The following FAF1 variants were observed in gnomAD, a reference collection of about 807,000 sequenced individuals.
FAF1 encodes FAS-associated factor 1.
A neutral mutation model predicts 92.5 loss-of-function variants in FAF1; 25 were observed. The observed-to-expected ratio is 0.27, with a 90% CI of 0.20 to 0.38. FAF1 has a LOEUF of 0.38. Ranked by LOEUF, FAF1 falls within the 10% of genes least tolerant of loss-of-function variation. The pLI is 1.00. For missense variants in FAF1, 636 were observed against 793.3 expected (o/e 0.80, Z 2.38); for synonymous variants, 234 against 273.2 (o/e 0.86, Z 1.42).
intron 7 of FAF1, among the ~76,000 whole-genome samples, chr1:50,687,619 C>T (rs963250961): frequency 6.6e-6 from 1 of 151,840 alleles, no homozygotes; most frequent in Non-Finnish European, 1.5e-5. Flanking sequence ...GCATGGGGCG[C>T]GTGCCTGTAA....
intron 4 of FAF1, among the ~76,000 whole-genome samples, chr1:50,770,739 T>G (rs1321612799): frequency 6.6e-6 from 1 of 152,148 alleles, no homozygotes; most frequent in Non-Finnish European, 1.5e-5. Context: ...CTTCACACAA[T>G]TAGAAAAGAC....
rs55986089 is a variant in FAF1 at position 50,955,550 on chromosome 1, G to C, written c.45+4217C>G. On this transcript the variant is annotated intron_variant, in intron 1 of 18. Coordinates refer to ENST00000396153, the MANE Select transcript of FAF1 (RefSeq NM_007051.3). ...ATTCTCTCCATTCAAAATTTTGGTG[G>C]TGCAGCCACTATAGAAAACAATATG... is the stretch of plus-strand genomic sequence containing the variant. Among the ~76,000 whole-genome samples, 1,184 of 152,180 alleles carry C rather than the reference G, an allele frequency of 7.8e-3. 13 individuals are homozygous for C. The highest frequency in any genetic ancestry group is 0.028 in the African/African-American group (1,144 of 41,514).
At chr1:50,888,955 G>C (rs1463080299) in intron 1 of FAF1, among the ~76,000 whole-genome samples, 1 of 150,810 alleles carries the variant, frequency 6.6e-6, no homozygotes, top group Non-Finnish European at 1.5e-5. Flanking sequence ...GCTCCTCCTT[G>C]TACCTCTGGT....
At chr1:50,823,716 A>ATATC (rs1184035167) in intron 2 of FAF1, among the ~76,000 whole-genome samples, 5 of 152,174 alleles carry the variant, frequency 3.3e-5, no homozygotes, top group Admixed American at 1.3e-4. Context: ...ACTTCAAGGA[A>ATATC]TATCGGTTTG....
chr1:50,544,210 AT>A (rs1261921291), intron 13 of FAF1, among the ~76,000 whole-genome samples: 1 of 152,222 alleles, frequency 6.6e-6, no homozygotes, highest in Non-Finnish European at 1.5e-5. Context: ...AAACCATAGC[AT>A]AATCCTAAAT....
chr1:50,484,193 G>A (rs1173484807), intron 17 of FAF1, among the ~76,000 whole-genome samples: 1 of 152,110 alleles, frequency 6.6e-6, no homozygotes, highest in African/African-American at 2.4e-5. Context: ...CTCTATTCCT[G>A]GCAACCTGGA....
intron 16 of FAF1, 136 bp from the exon 17 acceptor site, chr1:50,490,801 CAG>C: frequency 1.5e-6 from 1 of 675,388 alleles, no homozygotes; most frequent in Non-Finnish European, 2.6e-6. Flanking sequence ...CAACATGACT[CAG>C]AGGTATATTG....
At chr1:50,875,694 A>AC (rs538016694) in intron 1 of FAF1, among the ~76,000 whole-genome samples, 23 of 151,762 alleles carry the variant, frequency 1.5e-4, no homozygotes, top group African/African-American at 4.4e-4. Context: ...CTTGTGATCC[A>AC]CCCCCCTCGG....
rs1651805462 is a variant in FAF1 at position 50,596,173 on chromosome 1, A to G, written c.788T>C (p.Leu263Pro). 1 of 1,614,036 alleles carries G rather than the reference A, an allele frequency of 6.2e-7. No individual in the cohort carries two copies. The highest frequency in any genetic ancestry group is 1.1e-5 in the South Asian group (1 of 91,072). The change falls in exon 9 of 19, where the codon CTT becomes CCT. Residue 263 changes from leucine (L) to proline (P), a missense_variant. Leu to Pro is a moderately conservative substitution (Grantham distance 98). Coordinates refer to ENST00000396153, the MANE Select transcript of FAF1 (RefSeq NM_007051.3). Reference sequence around the variant, plus strand: ...AGGTGAAGATCTTCTTCCCACTGTAAGTCGATGGCAGGGATAAGAGAGCCC... The same window carrying G: ...AGGTGAAGATCTTCTTCCCACTGTAGGTCGATGGCAGGGATAAGAGAGCCC... ...ESGLSYPCHR[L>P]TVGRRSSPAQ...
chr1:50,806,870 A>C (rs1443042929), intron 2 of FAF1, among the ~76,000 whole-genome samples: 1 of 152,118 alleles, frequency 6.6e-6, no homozygotes, highest in African/African-American at 2.4e-5. Flanking sequence ...AAAGCAAAAA[A>C]ACAAACAAAC....
intron 2 of FAF1, among the ~76,000 whole-genome samples, chr1:50,805,524 T>C (rs966723341): frequency 1.3e-5 from 2 of 152,138 alleles, no homozygotes; most frequent in African/African-American, 2.4e-5. Flanking sequence ...TTTAGACCTT[T>C]TGGGGGAAGG....
rs17106306 is a variant in FAF1 at position 50,588,674 on chromosome 1, T to C, written c.841-3863A>G. 6.4e-3 allele frequency among the ~76,000 whole-genome samples: 975 copies of C among 152,254 alleles called. 18 individuals carry two copies. The highest frequency in any genetic ancestry group is 0.022 in the African/African-American group (928 of 41,532). ...CCTAGACAGTTAAGAGTCTGTGACATTGGCACCTGTGTGATCCTTGACGGC... is the reference window on the plus strand; with the variant it reads ...CCTAGACAGTTAAGAGTCTGTGACACTGGCACCTGTGTGATCCTTGACGGC... On this transcript the variant is annotated intron_variant, in intron 9 of 18. Transcript: ENST00000396153.
intron 4 of FAF1, among the ~76,000 whole-genome samples, chr1:50,783,407 GA>G (rs1661253174): frequency 1.3e-5 from 2 of 152,116 alleles, no homozygotes; most frequent in Admixed American, 1.3e-4. Flanking sequence ...CAGACGAAAA[GA>G]AAACTACAGT....
intron 1 of FAF1, among the ~76,000 whole-genome samples, chr1:50,884,537 A>AC (rs1468107034): frequency 6.6e-6 from 1 of 151,802 alleles, no homozygotes; most frequent in Non-Finnish European, 1.5e-5. Context: ...AAAAAAAAAA[A>AC]AATTTTTTTT....
intron 8 of FAF1, among the ~76,000 whole-genome samples, chr1:50,631,095 T>G (rs1201850846): frequency 1.3e-5 from 2 of 152,026 alleles, no homozygotes; most frequent in Non-Finnish European, 2.9e-5. Flanking sequence ...CAGCCTCTAT[T>G]TTCATTCTCC....
chr1:50,846,888 G>C (rs1644306231), intron 2 of FAF1: 1 of 403,784 alleles, frequency 2.5e-6, no homozygotes, highest in African/African-American at 2.1e-5. Context: ...CTTCATATTT[G>C]AGCAGCATGG....
intron 1 of FAF1, among the ~76,000 whole-genome samples, chr1:50,859,393 G>A (rs1004121617): frequency 5.3e-5 from 8 of 151,322 alleles, no homozygotes; most frequent in African/African-American, 1.2e-4. Context: ...TCCTGGAACC[G>A]ATAACTTCAG....
intron 13 of FAF1, among the ~76,000 whole-genome samples, chr1:50,557,944 G>T (rs1033545928): frequency 1.3e-5 from 2 of 148,534 alleles, no homozygotes; most frequent in African/African-American, 4.9e-5. Flanking sequence ...ACAGGGTCTT[G>T]CTCTGTTGCC....
chr1:50,630,826 A>ATTTTTTTTTT (rs1471050080), intron 8 of FAF1, among the ~76,000 whole-genome samples: 1 of 125,334 alleles, frequency 8.0e-6, no homozygotes. Flanking sequence ...AGTGTATCAT[A>ATTTTTTTTTT]TCTTTTTTTT....
Sources: allele counts gnomAD v4.1 joint callset (sites outside exome capture counted in the v4.1 genomes callset), GRCh38; gene constraint gnomAD v4.1.1; transcripts MANE v1.5; gene names NCBI Gene and HGNC (gene_info 2026-07-23, HGNC 2026-07-21).